The following THAP1 variants were observed in gnomAD, a reference collection of about 807,000 sequenced individuals.
THAP1 encodes the protein THAP domain containing 1.
Under a neutral mutation model 18.2 loss-of-function variants are expected in THAP1, and 6 were observed. That is an observed-to-expected ratio of 0.33 (90% CI 0.18 to 0.65). The LOEUF is 0.65. Among genes scored for constraint, THAP1 ranks in the 30% least tolerant of loss-of-function variants. THAP1 has a pLI of 0.74. For synonymous variants in THAP1, 85 were observed against 90.5 expected (o/e 0.94, Z 0.34); for missense variants, 176 against 253.0 (o/e 0.70, Z 2.06).
chr8:42,839,754 C>T (rs770932409), intron 1 of THAP1, among the ~76,000 whole-genome samples: 1 of 152,162 alleles, frequency 6.6e-6, no homozygotes, highest in Non-Finnish European at 1.5e-5. Context: ...ACCATGTTGG[C>T]CAGGATGGAT....
At chr8:42,838,792 TCA>T (rs375112817) in intron 2 of THAP1, among the ~76,000 whole-genome samples, 31 of 152,308 alleles carry the variant, frequency 2.0e-4, no homozygotes, top group African/African-American at 7.2e-4. Flanking sequence ...GAAAACAGTT[TCA>T]GTTTGAATAA....
chr8:42,841,907 G>A (rs894877483), intron 1 of THAP1, among the ~76,000 whole-genome samples: 7 of 151,960 alleles, frequency 4.6e-5, no homozygotes, highest in African/African-American at 1.5e-4. Context: ...TTTCTATAGG[G>A]TCCATCTCAC....
chr8:42,838,189 C>T lies in THAP1; in HGVS notation c.415G>A (p.Val139Met). The change falls in exon 3 of 3, where the codon GTG becomes ATG. Residue 139 changes from valine (V) to methionine (M), a missense_variant. Val to Met is a conservative substitution (Grantham distance 21). Coordinates refer to ENST00000254250, the MANE Select transcript of THAP1 (RefSeq NM_018105.3). ...TTCCGCTGGTGCATTGTATCCTCCA[C>T]AGTATAGTTGTGGTCACAGAAAACT... ...LSVFCDHNYT[V>M]EDTMHQRKRI... 6.2e-7 allele frequency: 1 copy of T among 1,614,124 alleles called. No individual in the cohort carries two copies. The highest frequency in any genetic ancestry group is 8.5e-7 in the Non-Finnish European group (1 of 1,180,050).
chr8:42,841,294 CTTTTTTTTTTTT>C (rs775435611), intron 1 of THAP1, among the ~76,000 whole-genome samples: 37 of 95,960 alleles, frequency 3.9e-4, no homozygotes, highest in Admixed American at 3.6e-3. Flanking sequence ...ACAGTTGTAT[CTTTTTTTTTTTT>C]TTTTTTTTTT....
At chr8:42,841,290 G>C (rs1321393628) in intron 1 of THAP1, among the ~76,000 whole-genome samples, 2 of 128,158 alleles carry the variant, frequency 1.6e-5, no homozygotes, top group Non-Finnish European at 3.3e-5. Context: ...AGAAACAGTT[G>C]TATCTTTTTT....
intron 1 of THAP1, among the ~76,000 whole-genome samples, chr8:42,842,009 T>C (rs979455540): frequency 6.6e-6 from 1 of 152,196 alleles, no homozygotes; most frequent in Non-Finnish European, 1.5e-5. Context: ...TGAAAAGATA[T>C]TTAACATTTT....
chr8:42,843,308 G>C lies in THAP1; in HGVS notation c.-214C>G. 1 of 622,792 alleles carries C rather than the reference G, an allele frequency of 1.6e-6. No homozygotes were observed. 38.6% of individuals were successfully genotyped at this position (622,792 alleles called of 1,614,324 possible). On this transcript the variant is annotated 5_prime_UTR_variant, in exon 1 of 3. In the 5' UTR this introduces an upstream ATG that the reference lacks. Transcript: ENST00000254250. Reference sequence around the variant, plus strand: ...GCCATCGCCCGTCTCCCATCTCCAAGATGGCGGAGGCAGCTTCAACCTCAC... The same window carrying C: ...GCCATCGCCCGTCTCCCATCTCCAACATGGCGGAGGCAGCTTCAACCTCAC...
rs1802640060 is a variant in THAP1, at chr8:42,837,686, A to G, written c.*276T>C. ...TACATTATTTCTATAAATACTAAAA[A>G]AAAACCCCAAAATCCCCAATCTTGA... On this transcript the variant is annotated 3_prime_UTR_variant, in exon 3 of 3. Coordinates refer to ENST00000254250, the MANE Select transcript of THAP1 (RefSeq NM_018105.3). 1 of 220,130 alleles carries G rather than the reference A, an allele frequency of 4.5e-6. No homozygotes were observed. Among genetic ancestry groups the G allele is most frequent in the South Asian group, 1.6e-4 (1 of 6,338 alleles). 13.6% of individuals were successfully genotyped at this position (220,130 alleles called of 1,614,324 possible).
At position 42,843,294 on chromosome 8, in the gene THAP1, T is replaced by C; in HGVS notation, c.-200A>G. On this transcript the variant is annotated 5_prime_UTR_variant, in exon 1 of 3. Coordinates refer to ENST00000254250, the MANE Select transcript of THAP1 (RefSeq NM_018105.3). Reference sequence around the variant, plus strand: ...GCAGAAGGACCACAGCCATCGCCCGTCTCCCATCTCCAAGATGGCGGAGGC... The same window carrying C: ...GCAGAAGGACCACAGCCATCGCCCGCCTCCCATCTCCAAGATGGCGGAGGC... 1 of 642,108 alleles carries C rather than the reference T, an allele frequency of 1.6e-6. No individual in the cohort carries two copies. Among genetic ancestry groups the C allele is most frequent in the Admixed American group, 2.3e-5 (1 of 43,494 alleles). 39.8% of individuals were successfully genotyped at this position (642,108 alleles called of 1,614,324 possible). A position where few individuals can be genotyped will look rare whatever the true frequency, so the allele number is the denominator to read the frequency against.
Position 42,843,247 on chromosome 8 carries a change from G to A in THAP1, c.-153C>T, listed in dbSNP as rs888386231. ...GGCCTCCCTCGGGGGTGACTAGTGT[G>A]CCCGTTTTGTTGTTTGCATTAGCAG... On this transcript the variant is annotated 5_prime_UTR_variant, in exon 1 of 3. Coordinates refer to ENST00000254250, the MANE Select transcript of THAP1 (RefSeq NM_018105.3). 4 of 868,578 alleles carry A rather than the reference G, an allele frequency of 4.6e-6. No individual in the cohort carries two copies. The highest frequency in any genetic ancestry group is 2.7e-5 in the South Asian group (2 of 72,780). 53.8% of individuals were successfully genotyped at this position (868,578 alleles called of 1,614,324 possible).
rs1802670902 is a variant in THAP1 at position 42,839,205 on chromosome 8, C to A, written c.248G>T (p.Cys83Phe). Reference protein sequence around the residue: ...KENAVPTIFLCTEPHDKKEDL... With the variant: ...KENAVPTIFLFTEPHDKKEDL... ...TATTACCTTGTCATGTGGCTCAGTA[C>A]AAAGAAATATTGTGGGCACAGCATT... Residue 83 changes from cysteine to phenylalanine, a missense_variant, in exon 2 of 3, where the codon TGT becomes TTT. Cys to Phe is a radical substitution (Grantham distance 205, BLOSUM62 -2). Transcript: ENST00000254250. 3 of 1,614,020 alleles carry A rather than the reference C, an allele frequency of 1.9e-6. No homozygotes were observed. The highest frequency in any genetic ancestry group is 1.7e-6 in the Non-Finnish European group (2 of 1,179,992).
rs772913962 is a variant in THAP1, at chr8:42,839,190, T to C, written c.263A>G (p.Asp88Gly). 24 of 1,613,946 alleles carry C rather than the reference T, an allele frequency of 1.5e-5. No homozygotes were observed. The highest frequency in any genetic ancestry group is 5.1e-6 in the Non-Finnish European group (6 of 1,180,000). Residue 88 changes from aspartate (D) to glycine (G), a missense_variant, in exon 2 of 3, where the codon GAC (aspartate) becomes GGC (glycine). Physicochemically the swap from Asp to Gly is moderately conservative, Grantham distance 94. Transcript: ENST00000254250. The stretch of plus-strand genomic sequence containing the variant: ...ATATTTTAAAATGCATATTACCTTG[T>C]CATGTGGCTCAGTACAAAGAAATAT... ...PTIFLCTEPH[D>G]KKEDLLEPQE...
intron 1 of THAP1, among the ~76,000 whole-genome samples, chr8:42,839,892 C>G (rs1324253602): frequency 6.6e-6 from 1 of 152,164 alleles, no homozygotes; most frequent in Non-Finnish European, 1.5e-5. Flanking sequence ...CCAAAAGATT[C>G]AGGTAAAATA....
chr8:42,838,156 G>T lies in THAP1; in HGVS notation c.448C>A (p.His150Asn). Residue 150 changes from histidine to asparagine, a missense_variant, in exon 3 of 3, where the codon CAT (histidine) becomes AAT (asparagine). By Grantham distance (68) the His-to-Asn change is moderately conservative. Transcript: ENST00000254250. ...EDTMHQRKRI[H>N]QLEQQVEKLR... ...TTTTCAACTTGCTGTTCTAGCTGAT[G>T]AATCCTTTTCCGCTGGTGCATTGTA... 1 of 1,614,162 alleles carries T rather than the reference G, an allele frequency of 6.2e-7. No individual in the cohort carries two copies. The highest frequency in any genetic ancestry group is 8.5e-7 in the Non-Finnish European group (1 of 1,180,048).
chr8:42,839,095 C>G (rs1802668896), intron 2 of THAP1, 91 bp downstream of exon 2: 2 of 1,410,576 alleles, frequency 1.4e-6, no homozygotes, highest in South Asian at 2.3e-5. Context: ...CATTTATTCT[C>G]TTAACACTAA....
At chr8:42,838,373 A>G (rs1233402789) in intron 2 of THAP1, 37 bp from the exon 3 acceptor site, 1 of 1,609,356 alleles carries the variant, frequency 6.2e-7, no homozygotes, top group Non-Finnish European at 8.5e-7. Context: ...GAATTTAGTA[A>G]CTAAAAACAG....
chr8:42,842,434 G>C (rs1184508528), intron 1 of THAP1: 4 of 152,110 alleles, frequency 2.6e-5, no homozygotes, highest in Admixed American at 6.6e-5. Context: ...TGTTGTAACT[G>C]TCCATATTAT....
rs1183345847 is a variant in THAP1, at chr8:42,838,018, T to C, written c.586A>G (p.Arg196Gly). The C allele has an allele frequency of 8.7e-6, 14 of 1,613,740 alleles. No homozygotes were observed. Among genetic ancestry groups the C allele is most frequent in the Non-Finnish European group, 1.2e-5 (14 of 1,179,952 alleles). Residue 196 changes from arginine to glycine, a missense_variant, in exon 3 of 3, where the codon AGA becomes GGA. Transcript: ENST00000254250. ...TCATTTGGTAGAATCACATAACCTCTTTCTGATACGTCGTCTTTCTCTTTC... is the reference window on the plus strand; with the variant it reads ...TCATTTGGTAGAATCACATAACCTCCTTCTGATACGTCGTCTTTCTCTTTC... ...FQKEKDDVSE[R>G]GYVILPNDYF... is the part of the protein sequence containing the mutation.
intron 2 of THAP1, 23 bp from the exon 3 acceptor site, chr8:42,838,359 G>C (rs1802654999): frequency 6.2e-7 from 1 of 1,611,592 alleles, no homozygotes; most frequent in South Asian, 1.1e-5. Context: ...TACAAAGTAT[G>C]TTTGAATTTA....
Sources: allele counts gnomAD v4.1 joint callset (sites outside exome capture counted in the v4.1 genomes callset), GRCh38; gene constraint gnomAD v4.1.1; transcripts MANE v1.5; gene names NCBI Gene and HGNC (gene_info 2026-07-23, HGNC 2026-07-21).